JAZF1: variants seen among roughly 807,000 people sequenced by gnomAD.
JAZF1 encodes juxtaposed with another zinc finger protein 1.
A neutral mutation model predicts 26.4 loss-of-function variants in JAZF1; 8 were observed. The observed-to-expected ratio is 0.30, with a 90% CI of 0.18 to 0.55. JAZF1 has a LOEUF of 0.55. Ranked by LOEUF, JAZF1 falls within the 20% of genes least tolerant of loss-of-function variation. The pLI, the probability that JAZF1 is intolerant of heterozygous loss-of-function variation, is 0.94. For synonymous variants in JAZF1, 126 were observed against 122.3 expected, an observed-to-expected ratio of 1.03 and a Z score of -0.20; for missense variants, 199 against 322.0, an observed-to-expected ratio of 0.62 and a Z score of 2.92.
intron 3 of JAZF1, among the ~76,000 whole-genome samples, chr7:27,868,861 C>T (rs1462264640): frequency 3.9e-5 from 6 of 152,132 alleles, no homozygotes; most frequent in African/African-American, 9.7e-5. Flanking sequence ...AGGCTTTTCA[C>T]GGTGCCTGAC....
rs540295361 is a variant in JAZF1, at chr7:27,911,308, C to T, written c.189-15892G>A. On this transcript the variant is annotated intron_variant, in intron 2 of 4. Coordinates refer to ENST00000283928, the MANE Select transcript of JAZF1 (RefSeq NM_175061.4). ...AGTCTTTTTAGTATGTGATATGCTA[C>T]GTGCTTTATCATTATTACCTTATTT... Among the ~76,000 whole-genome samples, 5 of 152,160 alleles carry T rather than the reference C, an allele frequency of 3.3e-5. No homozygotes were observed. The South Asian group carries it at 1.0e-3, about 32-fold the overall frequency.
chr7:27,983,276 CA>C (rs1583492301), intron 2 of JAZF1, among the ~76,000 whole-genome samples: 2 of 152,252 alleles, frequency 1.3e-5, no homozygotes, highest in African/African-American at 4.8e-5. Context: ...AGCTGAAAAC[CA>C]TGGCACGAGA....
At chr7:27,945,754 C>T (rs924302968) in intron 2 of JAZF1, among the ~76,000 whole-genome samples, 8 of 152,170 alleles carry the variant, frequency 5.3e-5, no homozygotes, top group Non-Finnish European at 1.2e-4. Flanking sequence ...AATGACAGGT[C>T]TTTCTTGAAA....
At chr7:27,868,279 C>T (rs1347975240) in intron 3 of JAZF1, among the ~76,000 whole-genome samples, 8 of 152,166 alleles carry the variant, frequency 5.3e-5, no homozygotes, top group South Asian at 2.1e-4. Context: ...CCAGGAGCAG[C>T]GGGGTTAACA....
intron 1 of JAZF1, among the ~76,000 whole-genome samples, chr7:28,020,212 T>TA (rs1220314389): frequency 6.6e-6 from 1 of 152,184 alleles, no homozygotes; most frequent in Non-Finnish European, 1.5e-5. Context: ...TGCTGTAACT[T>TA]ATATCCTTTT....
At chr7:28,111,171 CTGT>C (rs1363030631) in intron 1 of JAZF1, among the ~76,000 whole-genome samples, 1 of 152,136 alleles carries the variant, frequency 6.6e-6, no homozygotes, top group Non-Finnish European at 1.5e-5. Flanking sequence ...AAGGGATAGT[CTGT>C]TGTTTTCCTA....
chr7:28,133,621 T>C (rs952493542), intron 1 of JAZF1, among the ~76,000 whole-genome samples: 2 of 152,232 alleles, frequency 1.3e-5, no homozygotes, highest in African/African-American at 4.8e-5. Context: ...AATGGTCTTT[T>C]GTGCACTAGT....
At chr7:28,177,252 A>G (rs551246016) in intron 1 of JAZF1, among the ~76,000 whole-genome samples, 1 of 152,296 alleles carries the variant, frequency 6.6e-6, no homozygotes, top group South Asian at 2.1e-4. Context: ...CTCTTCCAGG[A>G]GAGAAAAGAG....
At chr7:28,056,643 C>G (rs1018575806) in intron 1 of JAZF1, among the ~76,000 whole-genome samples, 9 of 152,130 alleles carry the variant, frequency 5.9e-5, no homozygotes, top group Non-Finnish European at 1.3e-4. Context: ...CTCATGAAAT[C>G]AGGAGAGCTA....
chr7:28,030,577 G>A (rs1783172330), intron 1 of JAZF1, among the ~76,000 whole-genome samples: 1 of 152,120 alleles, frequency 6.6e-6, no homozygotes, highest in Non-Finnish European at 1.5e-5. Context: ...GAAGACAGTT[G>A]CAAAGATCTT....
intron 1 of JAZF1, among the ~76,000 whole-genome samples, chr7:28,029,760 A>C (rs1783158137): frequency 1.3e-5 from 2 of 152,232 alleles, no homozygotes. Context: ...GCACCTTTGC[A>C]ATGATCAGAG....
chr7:28,179,132 C>T (rs967331413), intron 1 of JAZF1, among the ~76,000 whole-genome samples: 16 of 152,354 alleles, frequency 1.1e-4, no homozygotes, highest in Non-Finnish European at 2.1e-4. Context: ...CCATGGCATT[C>T]ATTTGGACTT....
At chr7:27,849,772 C>CACACACACACACACACAT (rs140580370) in intron 3 of JAZF1, among the ~76,000 whole-genome samples, 131 of 147,118 alleles carry the variant, frequency 8.9e-4, no homozygotes, top group Non-Finnish European at 1.4e-3. Flanking sequence ...CACACACACA[C>CACACACACACACACACAT]ACCCCTACAC....
chr7:28,037,583 C>G (rs532503981), intron 1 of JAZF1, among the ~76,000 whole-genome samples: 1 of 152,246 alleles, frequency 6.6e-6, no homozygotes, highest in African/African-American at 2.4e-5. Context: ...TTCTCAGAGC[C>G]TCTTTTTCCT....
chr7:27,912,134 T>C (rs1260372870), intron 2 of JAZF1, among the ~76,000 whole-genome samples: 1 of 152,188 alleles, frequency 6.6e-6, no homozygotes, highest in Admixed American at 6.5e-5. Context: ...TCAAATTCCA[T>C]TTCAATCTGT....
At chr7:28,059,541 T>G (rs1018968242) in intron 1 of JAZF1, among the ~76,000 whole-genome samples, 2 of 152,208 alleles carry the variant, frequency 1.3e-5, no homozygotes, top group Non-Finnish European at 2.9e-5. Flanking sequence ...AGAAAGTCAC[T>G]GTTGATTCAA....
intron 1 of JAZF1, among the ~76,000 whole-genome samples, chr7:28,007,327 G>C (rs1429738757): frequency 2.6e-5 from 4 of 152,096 alleles, no homozygotes; most frequent in Non-Finnish European, 5.9e-5. Flanking sequence ...AAATTAGCCG[G>C]GTGTGGTGAG....
intron 1 of JAZF1, among the ~76,000 whole-genome samples, chr7:28,142,581 C>T (rs1199359803): frequency 2.0e-5 from 3 of 152,178 alleles, no homozygotes; most frequent in African/African-American, 7.2e-5. Context: ...CTTTGTCCTG[C>T]CATTTTTAGC....
chr7:28,150,483 G>C (rs1037066598), intron 1 of JAZF1, among the ~76,000 whole-genome samples: 11 of 152,190 alleles, frequency 7.2e-5, no homozygotes, highest in Non-Finnish European at 1.0e-4. Flanking sequence ...CATCACCTTC[G>C]AATAAAGGCC....
Sources: gnomAD v4.1 joint callset for allele counts (sites outside exome capture counted in the v4.1 genomes callset) on GRCh38, gnomAD v4.1.1 for gene constraint, MANE v1.5 for transcripts, NCBI Gene and HGNC (gene_info 2026-07-23, HGNC 2026-07-21) for gene names.